The following DLG2 variants were observed in gnomAD, a reference collection of about 807,000 sequenced individuals.
DLG2 encodes the protein disks large homolog 2.
In DLG2, 45 loss-of-function variants were observed where a neutral mutation model predicts 132.5. The ratio of observed to expected loss-of-function variants is 0.34; its 90% confidence interval spans 0.27 to 0.44. The LOEUF is 0.44. DLG2 is among the 20% of genes least tolerant of loss of function. The pLI, the probability that DLG2 is intolerant of heterozygous loss-of-function variation, is 1.00. For missense variants in DLG2, 1,045 were observed against 1,196.9 expected, an observed-to-expected ratio of 0.87 and a Z score of 1.87; for synonymous variants, 424 against 419.6, an observed-to-expected ratio of 1.01 and a Z score of -0.13.
chr11:83,469,380 A>G lies in DLG2; in HGVS notation c.2447-7T>C, dbSNP rs2136414582. Reference sequence around the variant, plus strand: ...CGCTTTGGCCTCGTAGTATCTTTATAAAACAAAAAATGATAAAATTAAGGT... The same window carrying G: ...CGCTTTGGCCTCGTAGTATCTTTATGAAACAAAAAATGATAAAATTAAGGT... On this transcript the variant is annotated splice_polypyrimidine_tract_variant and splice_region_variant and intron_variant, in intron 24 of 27. Coordinates refer to ENST00000376104, the MANE Select transcript of DLG2 (RefSeq NM_001142699.3). The G allele has an allele frequency of 1.2e-6, 2 of 1,601,682 alleles. No homozygotes were observed. The highest frequency in any genetic ancestry group is 1.7e-6 in the Non-Finnish European group (2 of 1,175,354).
At chr11:84,302,582 T>G (rs1451519665) in intron 7 of DLG2, among the ~76,000 whole-genome samples, 2 of 152,260 alleles carry the variant, frequency 1.3e-5, no homozygotes, top group South Asian at 4.1e-4. Context: ...ATAAAAGGAC[T>G]AAAAAGTTGT....
At chr11:84,871,716 T>G (rs896539233) in intron 6 of DLG2, among the ~76,000 whole-genome samples, 2 of 151,356 alleles carry the variant, frequency 1.3e-5, no homozygotes, top group Non-Finnish European at 3.0e-5. Context: ...TCATTGTTTA[T>G]TTATTTATTT....
At chr11:84,449,284 A>G (rs1337955087) in intron 7 of DLG2, among the ~76,000 whole-genome samples, 1 of 151,948 alleles carries the variant, frequency 6.6e-6, no homozygotes, top group African/African-American at 2.4e-5. Context: ...AGATCCACTA[A>G]TGAAAACATA....
chr11:84,640,491 A>C, intron 6 of DLG2: 1 of 454,700 alleles, frequency 2.2e-6, no homozygotes, highest in Non-Finnish European at 3.8e-6. Context: ...AACAGTTAAA[A>C]ACAAAGATAT....
chr11:84,596,895 G>A (rs917257710), intron 6 of DLG2, among the ~76,000 whole-genome samples: 10 of 152,090 alleles, frequency 6.6e-5, no homozygotes, highest in African/African-American at 1.9e-4. Context: ...ACTATGCTAG[G>A]CATAGGGGAT....
At chr11:84,674,253 T>A (rs1468047652) in intron 6 of DLG2, among the ~76,000 whole-genome samples, 1 of 152,146 alleles carries the variant, frequency 6.6e-6, no homozygotes, top group East Asian at 1.9e-4. Flanking sequence ...CAGGTTGATG[T>A]TTAATTGGTA....
intron 7 of DLG2, among the ~76,000 whole-genome samples, chr11:84,268,888 TTAAC>T: frequency 6.6e-6 from 1 of 152,324 alleles, no homozygotes; most frequent in East Asian, 1.9e-4. Context: ...TCAGTAAATA[TTAAC>T]TATCACTTTT....
chr11:84,544,624 A>G lies in DLG2; in HGVS notation c.358-9893T>C, dbSNP rs79719581. On this transcript the variant is annotated intron_variant, in intron 6 of 27. Coordinates refer to ENST00000376104, the MANE Select transcript of DLG2 (RefSeq NM_001142699.3). Reference sequence around the variant, plus strand: ...TCAAATCTTGGTTATACTACTTGCTATCTGGGAGACATCTATCACATTGCT... The same window carrying G: ...TCAAATCTTGGTTATACTACTTGCTGTCTGGGAGACATCTATCACATTGCT... 3.7e-3 allele frequency among the ~76,000 whole-genome samples: 566 copies of G among 152,326 alleles called. 5 individuals carry two copies. The highest frequency in any genetic ancestry group is 0.012 in the African/African-American group (482 of 41,560).
chr11:83,909,285 C>T (rs75857545), intron 15 of DLG2, among the ~76,000 whole-genome samples: 2,380 of 152,296 alleles, frequency 0.016, 33 homozygotes, highest in South Asian at 0.069. Context: ...GTACATTATA[C>T]ACTGAGCACT....
At chr11:85,511,686 A>G (rs1379280377) in intron 3 of DLG2, among the ~76,000 whole-genome samples, 1 of 151,556 alleles carries the variant, frequency 6.6e-6, no homozygotes, top group African/African-American at 2.4e-5. Context: ...CAAACACCAA[A>G]TAAGGATTTT....
At chr11:84,776,394 C>T (rs895915529) in intron 6 of DLG2, among the ~76,000 whole-genome samples, 1 of 152,108 alleles carries the variant, frequency 6.6e-6, no homozygotes, top group East Asian at 1.9e-4. Flanking sequence ...TGGGCTCTAG[C>T]AATCCCCCAG....
intron 12 of DLG2, among the ~76,000 whole-genome samples, chr11:83,969,158 C>T (rs2514162): frequency 0.13 from 20,186 of 151,904 alleles, 1,768 homozygotes; most frequent in East Asian, 0.29. Flanking sequence ...TAACTTGCAA[C>T]AAAGAGGTCA....
At chr11:85,318,343 C>T (rs1422277397) in intron 3 of DLG2, among the ~76,000 whole-genome samples, 1 of 151,760 alleles carries the variant, frequency 6.6e-6, no homozygotes, top group Non-Finnish European at 1.5e-5. Flanking sequence ...GAACTAGAGG[C>T]TCCTGATCAA....
At position 85,129,574 on chromosome 11, in the gene DLG2, G is replaced by C. The variant is rs559117326; in HGVS notation, c.283-17839C>G. 7.2e-5 allele frequency among the ~76,000 whole-genome samples: 11 copies of C among 152,278 alleles called. No individual in the cohort carries two copies. In the East Asian group the frequency reaches 2.1e-3, roughly 29 times the overall value. ...ATCATTGAAAAGTCAGGAAACAACA[G>C]AATGTGGAGAAATAGGAACGCTTTT... is the stretch of plus-strand genomic sequence containing the variant. On this transcript the variant is annotated intron_variant, in intron 5 of 27. Transcript: ENST00000376104.
Position 84,202,764 on chromosome 11 carries a change from T to TACAC in DLG2, c.574-39257_574-39254dup, listed in dbSNP as rs376554531. Among the ~76,000 whole-genome samples the TACAC allele has an allele frequency of 8.7e-5, 13 of 149,762 alleles. No individual in the cohort carries two copies. In the East Asian group the frequency reaches 1.2e-3, roughly 14 times the overall value. On this transcript the variant is annotated intron_variant, in intron 8 of 27. Transcript: ENST00000376104. ...CAGCATCTACAAGGAACTCAAACAT[T>TACAC]ACACACACACACACACACAAATTAA...
chr11:84,600,240 A>AAAGCAAGCAAGCAAGC (rs72004062), intron 6 of DLG2, among the ~76,000 whole-genome samples: 1 of 143,580 alleles, frequency 7.0e-6, no homozygotes, highest in Non-Finnish European at 1.5e-5. Flanking sequence ...GAAAGACAGA[A>AAAGCAAGCAAGCAAGC]AAGCAAGCAA....
chr11:83,819,929 C>T (rs2050276988), intron 17 of DLG2, among the ~76,000 whole-genome samples: 1 of 150,400 alleles, frequency 6.6e-6, no homozygotes, highest in Non-Finnish European at 1.5e-5. Flanking sequence ...TGTTTAAATA[C>T]AGGACCCTCA....
intron 2 of DLG2, among the ~76,000 whole-genome samples, chr11:85,614,360 G>A (rs1025256895): frequency 9.2e-5 from 14 of 151,478 alleles, no homozygotes; most frequent in East Asian, 1.9e-4. Flanking sequence ...TGTATAGTTC[G>A]GCCGGGCATG....
intron 6 of DLG2, among the ~76,000 whole-genome samples, chr11:84,687,465 A>G (rs1000296465): frequency 6.6e-6 from 1 of 152,136 alleles, no homozygotes; most frequent in Non-Finnish European, 1.5e-5. Flanking sequence ...ATATTTTCCC[A>G]TGTAAAATTT....
Sources: allele counts gnomAD v4.1 joint callset (sites outside exome capture counted in the v4.1 genomes callset), GRCh38; gene constraint gnomAD v4.1.1; transcripts MANE v1.5; gene names NCBI Gene and HGNC (gene_info 2026-07-23, HGNC 2026-07-21).